The following C19orf44 variants were observed in gnomAD, a reference collection of about 807,000 sequenced individuals.
C19orf44 encodes the protein uncharacterized protein C19orf44.
Under a neutral mutation model 50.7 loss-of-function variants are expected in C19orf44, and 43 were observed. The ratio of observed to expected loss-of-function variants is 0.85; its 90% CI spans 0.66 to 1.09. C19orf44 has a LOEUF of 1.09. Ranked by LOEUF, C19orf44 falls within the 50% of genes least tolerant of loss-of-function variation. The pLI, the probability that C19orf44 is intolerant of heterozygous loss-of-function variation, is 0.00. For missense variants in C19orf44, 722 were observed against 836.2 expected, an observed-to-expected ratio of 0.86 and a Z score of 1.68; for synonymous variants, 298 against 334.7, an observed-to-expected ratio of 0.89 and a Z score of 1.20.
At chr19:16,512,120 G>C (rs950492576) in intron 5 of C19orf44, among the ~76,000 whole-genome samples, 2 of 152,042 alleles carry the variant, frequency 1.3e-5, no homozygotes, top group South Asian at 2.1e-4. Context: ...CCCCAGGAGA[G>C]GGTGAGTGGT....
In C19orf44 at chr19:16,521,140, T is replaced by G; in HGVS notation, c.*1087T>G. 3.3e-6 allele frequency: 2 copies of G among 597,942 alleles called. No individual in the cohort carries two copies. Among genetic ancestry groups the G allele is most frequent in the Non-Finnish European group, 6.0e-6 (2 of 334,142 alleles). 37.0% of individuals were successfully genotyped at this position (597,942 alleles called of 1,614,324 possible). The stretch of plus-strand genomic sequence containing the variant: ...CGCCCTTGCCACCCTGCTGTTCCGC[T>G]GAGGTGGTGGGGACCCATGGTCTGT... On this transcript the variant is annotated 3_prime_UTR_variant, in exon 9 of 9. Coordinates refer to ENST00000221671, the MANE Select transcript of C19orf44 (RefSeq NM_032207.4).
Position 16,509,487 on chromosome 19 carries a change from T to C in C19orf44, c.1150-12T>C. On this transcript the variant is annotated splice_polypyrimidine_tract_variant and intron_variant, in intron 4 of 8. Coordinates refer to ENST00000221671, the MANE Select transcript of C19orf44 (RefSeq NM_032207.4). ...AACACTTCCCAGCCACCTCTGCCAT[T>C]CTTCATTTTAGGAGGAAAGTGCTCA... is the stretch of plus-strand genomic sequence containing the variant. 3.3e-6 allele frequency: 5 copies of C among 1,530,160 alleles called. No homozygotes were observed. Among genetic ancestry groups the C allele is most frequent in the Non-Finnish European group, 4.4e-6 (5 of 1,141,746 alleles). 94.8% of individuals were successfully genotyped at this position (1,530,160 alleles called of 1,614,324 possible).
intron 6 of C19orf44, 111 bp from the exon 7 acceptor site, chr19:16,514,385 AG>A: frequency 1.8e-6 from 2 of 1,123,326 alleles, no homozygotes; most frequent in Non-Finnish European, 2.4e-6. Flanking sequence ...CCCTGTCTCC[AG>A]AAAAAAAAAA....
intron 3 of C19orf44, among the ~76,000 whole-genome samples, chr19:16,504,467 T>TC (rs1205070799): frequency 6.6e-6 from 1 of 151,918 alleles, no homozygotes; most frequent in African/African-American, 2.4e-5. Flanking sequence ...TCCCACTCTT[T>TC]CCCCCCAGCT....
Position 16,503,438 on chromosome 19 carries a change from T to C in C19orf44, c.1075+58T>C, listed in dbSNP as rs2093431787. The C allele has an allele frequency of 1.0e-5, 16 of 1,535,472 alleles. 1 individual carries two copies. In the South Asian group the frequency reaches 2.0e-4, roughly 19 times the overall value. Reference sequence around the variant, plus strand: ...TGGGCAGGAAGGGTGGGGCCACCTTTAGAGTCCCTGACGCAGTGGTCATGG... The same window carrying C: ...TGGGCAGGAAGGGTGGGGCCACCTTCAGAGTCCCTGACGCAGTGGTCATGG... On this transcript the variant is annotated intron_variant, in intron 3 of 8. Coordinates refer to ENST00000221671, the MANE Select transcript of C19orf44 (RefSeq NM_032207.4).
chr19:16,498,740 G>T (rs887656724), intron 1 of C19orf44, among the ~76,000 whole-genome samples: 2 of 151,490 alleles, frequency 1.3e-5, no homozygotes, highest in African/African-American at 4.9e-5. Flanking sequence ...GCGCGATCTC[G>T]GTTCACTGCA....
chr19:16,508,051 C>T (rs1424684191), intron 4 of C19orf44, among the ~76,000 whole-genome samples: 4 of 151,244 alleles, frequency 2.6e-5, no homozygotes, highest in Admixed American at 1.3e-4. Flanking sequence ...GTGATCCGCC[C>T]GCCTCGGCCT....
chr19:16,510,575 G>C (rs2093454385), intron 5 of C19orf44, among the ~76,000 whole-genome samples: 1 of 152,104 alleles, frequency 6.6e-6, no homozygotes, highest in Non-Finnish European at 1.5e-5. Context: ...ACTCCAGCAA[G>C]GTCTGGAGAC....
chr19:16,496,737 C>T (rs1281999771), intron 1 of C19orf44: 3 of 154,206 alleles, frequency 1.9e-5, no homozygotes, highest in Admixed American at 6.5e-5. Context: ...ATTTACATAC[C>T]ATAGTGTTCG....
Position 16,520,350 on chromosome 19 carries a change from C to G in C19orf44, c.*297C>G. On this transcript the variant is annotated 3_prime_UTR_variant, in exon 9 of 9. Coordinates refer to ENST00000221671, the MANE Select transcript of C19orf44 (RefSeq NM_032207.4). This position sits in a 1 kb window ranked among gnomAD's most constrained non-coding sequence, Gnocchi z 4.0. ...AGAGGCCTCAGGCACTGCCCTGAGG[C>G]AGCCTCTGCCTACCTAGATCTGGAG... 1 of 1,611,954 alleles carries G rather than the reference C, an allele frequency of 6.2e-7. No individual in the cohort carries two copies. The highest frequency in any genetic ancestry group is 1.7e-5 in the Admixed American group (1 of 59,944).
At chr19:16,497,413 C>T (rs964327575) in intron 1 of C19orf44, among the ~76,000 whole-genome samples, 2 of 132,328 alleles carry the variant, frequency 1.5e-5, no homozygotes, top group South Asian at 2.4e-4. Context: ...TGCAATGGTG[C>T]GATCTCGGCT....
At chr19:16,517,127 C>A in intron 7 of C19orf44, 103 bp from the exon 8 acceptor site, 2 of 1,053,876 alleles carry the variant, frequency 1.9e-6, no homozygotes, top group East Asian at 2.5e-5. Context: ...CTGACAGGAG[C>A]CTGCTGGGGA....
intron 4 of C19orf44, among the ~76,000 whole-genome samples, chr19:16,509,223 C>T (rs930312547): frequency 2.6e-5 from 4 of 152,146 alleles, no homozygotes; most frequent in African/African-American, 7.2e-5. Flanking sequence ...CCTCAACCAC[C>T]TAAAGTCCTT....
At chr19:16,514,439 G>C (rs532968820) in intron 6 of C19orf44, 58 bp from the exon 7 acceptor site, 2 of 1,495,292 alleles carry the variant, frequency 1.3e-6, no homozygotes, top group Admixed American at 2.0e-5. Context: ...GGTGGGGGGG[G>C]GGCTGCAGAA....
chr19:16,500,774 G>C lies in C19orf44; in HGVS notation c.-1-18G>C, dbSNP rs2093422832. On this transcript the variant is annotated intron_variant, in intron 1 of 8. Coordinates refer to ENST00000221671, the MANE Select transcript of C19orf44 (RefSeq NM_032207.4). ...ACAGCAGGTACTCTTATGCAAAATTGCTCCTCTTCCTCCACAGAATGGCTT... is the reference window on the plus strand; with the variant it reads ...ACAGCAGGTACTCTTATGCAAAATTCCTCCTCTTCCTCCACAGAATGGCTT... 1 of 1,544,456 alleles carries C rather than the reference G, an allele frequency of 6.5e-7. No homozygotes were observed. The highest frequency in any genetic ancestry group is 2.3e-5 in the East Asian group (1 of 44,298).
At chr19:16,498,451 T>G (rs1219821573) in intron 1 of C19orf44, among the ~76,000 whole-genome samples, 1 of 151,998 alleles carries the variant, frequency 6.6e-6, no homozygotes, top group Non-Finnish European at 1.5e-5. Context: ...ACCCAGCTAA[T>G]TTTTTCATTT....
At position 16,514,297 on chromosome 19, in the gene C19orf44, T is replaced by C. The variant is rs1047898367; in HGVS notation, c.1736-200T>C. ...CTAGGATTACAGGTGTGAGCCACTG[T>C]TGCTTAAACCCAGGAGTTCGAGGCT... On this transcript the variant is annotated intron_variant, in intron 6 of 8. Coordinates refer to ENST00000221671, the MANE Select transcript of C19orf44 (RefSeq NM_032207.4). Among the ~76,000 whole-genome samples, 8 of 152,052 alleles carry C rather than the reference T, an allele frequency of 5.3e-5. No homozygotes were observed. The East Asian group carries it at 1.4e-3, about 26-fold the overall frequency.
chr19:16,517,365 G>GCACA lies in C19orf44; in HGVS notation c.*40+30_*40+33dup, dbSNP rs955515456. 1.8e-5 allele frequency: 25 copies of GCACA among 1,422,612 alleles called. No homozygotes were observed. The African/African-American group carries it at 3.0e-4, about 17-fold the overall frequency. The allele number at this position is 1,422,612 out of a possible 1,614,324, so 88.1% of individuals were successfully genotyped here. A position where few individuals can be genotyped will look rare whatever the true frequency, so the allele number is the denominator to read the frequency against. On this transcript the variant is annotated intron_variant, in intron 8 of 8. Coordinates refer to ENST00000221671, the MANE Select transcript of C19orf44 (RefSeq NM_032207.4). ...AGGTATCCCGTCCTGTGTACTCAGT[G>GCACA]CACACACACGCACACAAACATAGAG... is the stretch of plus-strand genomic sequence containing the variant.
At chr19:16,499,200 G>A (rs2093418035) in intron 1 of C19orf44, among the ~76,000 whole-genome samples, 1 of 152,188 alleles carries the variant, frequency 6.6e-6, no homozygotes, top group Non-Finnish European at 1.5e-5. Context: ...TCCTAGTACA[G>A]GGTAGTTAAG....
Sources: gnomAD v4.1 joint callset for allele counts (sites outside exome capture counted in the v4.1 genomes callset) on GRCh38, gnomAD v4.1.1 for gene constraint, Gnocchi (gnomAD v3.1) non-coding constraint, MANE v1.5 for transcripts, NCBI Gene and HGNC (gene_info 2026-07-23, HGNC 2026-07-21) for gene names.